CSMD1: variants seen among roughly 807,000 people sequenced by gnomAD.
The protein encoded by CSMD1 is CUB and sushi domain-containing protein 1.
CSMD1 carries 213 observed loss-of-function variants against 417.5 expected under a neutral mutation model. The observed-to-expected ratio is 0.51, with a 90% CI of 0.46 to 0.57. The LOEUF (loss-of-function observed/expected upper bound fraction) is 0.57. CSMD1 is among the 20% of genes least tolerant of loss of function. The pLI is 0.00. For missense variants in CSMD1, 6,923 were observed against 4,529.7 expected, an observed-to-expected ratio of 1.53 and a Z score of -15.17; for synonymous variants, 2,862 against 1,736.8, an observed-to-expected ratio of 1.65 and a Z score of -16.11.
rs189426256 is a variant in CSMD1, at chr8:3,251,932, T to C, written c.4154-21701A>G. On this transcript the variant is annotated intron_variant, in intron 26 of 69. Coordinates refer to ENST00000635120, the MANE Select transcript of CSMD1 (RefSeq NM_033225.6). The stretch of plus-strand genomic sequence containing the variant: ...TTGATTTTGTATCCTGAGACTTTGC[T>C]GAAGTTGCTTATCAGCTTAAGGATA... Among the ~76,000 whole-genome samples the C allele has an allele frequency of 2.8e-3, 422 of 152,368 alleles. 2 individuals are homozygous for C. The highest frequency in any genetic ancestry group is 9.6e-3 in the African/African-American group (401 of 41,580).
chr8:3,840,975 C>A (rs1215502643), intron 5 of CSMD1, among the ~76,000 whole-genome samples: 1 of 151,946 alleles, frequency 6.6e-6, no homozygotes, highest in African/African-American at 2.4e-5. Context: ...CCAAAGTGCT[C>A]AGATTACAGG....
intron 5 of CSMD1, among the ~76,000 whole-genome samples, chr8:3,970,232 C>G (rs1362781324): frequency 6.6e-6 from 1 of 152,168 alleles, no homozygotes; most frequent in African/African-American, 2.4e-5. Flanking sequence ...AGAAGCACCT[C>G]CCAATTTAAT....
chr8:3,479,260 CA>C (rs1817600637), intron 11 of CSMD1, among the ~76,000 whole-genome samples: 1 of 152,038 alleles, frequency 6.6e-6, no homozygotes, highest in South Asian at 2.1e-4. Context: ...AAAGCAATTG[CA>C]GTTTTTGCCA....
intron 3 of CSMD1, among the ~76,000 whole-genome samples, chr8:4,090,916 T>C (rs1328620607): frequency 1.3e-5 from 2 of 152,014 alleles, no homozygotes; most frequent in East Asian, 3.8e-4. Flanking sequence ...GCAGTCTTTT[T>C]TTTTTTTTCT....
intron 12 of CSMD1, among the ~76,000 whole-genome samples, chr8:3,432,723 C>G (rs983427793): frequency 6.6e-6 from 1 of 152,058 alleles, no homozygotes; most frequent in Non-Finnish European, 1.5e-5. Context: ...ACCATGTTGG[C>G]CAGGATGGTC....
intron 5 of CSMD1, among the ~76,000 whole-genome samples, chr8:3,950,448 G>A (rs541638049): frequency 2.6e-5 from 4 of 152,266 alleles, no homozygotes; most frequent in East Asian, 3.9e-4. Flanking sequence ...GATCTCCAAC[G>A]CATGAGTGGT....
At position 4,198,222 on chromosome 8, in the gene CSMD1, G is replaced by A. The variant is rs190057491; in HGVS notation, c.416-166123C>T. 2.9e-3 allele frequency among the ~76,000 whole-genome samples: 447 copies of A among 152,320 alleles called. 3 individuals carry two copies. Among genetic ancestry groups the A allele is most frequent in the African/African-American group, 0.011 (438 of 41,588 alleles). On this transcript the variant is annotated intron_variant, in intron 3 of 69. Transcript: ENST00000635120. The stretch of plus-strand genomic sequence containing the variant: ...TCCAAGGTAGCAAATACAAAGAGGT[G>A]CGGAGCACCACATCCCATTAAGTTA...
chr8:3,349,798 T>A (rs1238540201), intron 21 of CSMD1, among the ~76,000 whole-genome samples: 2 of 94,878 alleles, frequency 2.1e-5, no homozygotes, highest in South Asian at 3.3e-4. Context: ...AATATATCTA[T>A]AAATAGATAT....
intron 3 of CSMD1, among the ~76,000 whole-genome samples, chr8:4,399,101 T>C (rs1804466652): frequency 6.6e-6 from 1 of 152,208 alleles, no homozygotes; most frequent in African/African-American, 2.4e-5. Flanking sequence ...ATGTAAATGC[T>C]TAGAGCTTTA....
intron 1 of CSMD1, among the ~76,000 whole-genome samples, chr8:4,677,090 T>C (rs1231334931): frequency 6.8e-6 from 1 of 147,246 alleles, no homozygotes. Context: ...TAGGGATATA[T>C]ATTATAATAT....
chr8:3,033,170 C>T (rs1439428363), intron 50 of CSMD1, among the ~76,000 whole-genome samples: 1 of 152,022 alleles, frequency 6.6e-6, no homozygotes, highest in African/African-American at 2.4e-5. Context: ...CTTAACTGTA[C>T]CAAACTTCGA....
chr8:4,688,355 T>C (rs1273120344), intron 1 of CSMD1, among the ~76,000 whole-genome samples: 1 of 152,166 alleles, frequency 6.6e-6, no homozygotes, highest in South Asian at 2.1e-4. Flanking sequence ...AAGCTGTAAG[T>C]GCCCAAAATA....
intron 12 of CSMD1, among the ~76,000 whole-genome samples, chr8:3,425,643 C>G (rs1478851745): frequency 3.3e-5 from 5 of 151,600 alleles, no homozygotes; most frequent in Non-Finnish European, 7.4e-5. Flanking sequence ...ATGCCCTGTC[C>G]CAGCAGCAGG....
At chr8:4,253,042 G>C (rs1369605208) in intron 3 of CSMD1, among the ~76,000 whole-genome samples, 1 of 152,176 alleles carries the variant, frequency 6.6e-6, no homozygotes, top group Admixed American at 6.5e-5. Flanking sequence ...TTTTTCATGT[G>C]CCAACGTCTT....
At chr8:2,976,049 C>G (rs1458006821) in intron 55 of CSMD1, among the ~76,000 whole-genome samples, 2 of 152,146 alleles carry the variant, frequency 1.3e-5, no homozygotes, top group Non-Finnish European at 2.9e-5. Flanking sequence ...AGAATGCAGA[C>G]ATAATTTGAA....
At chr8:2,997,166 C>G (rs928504110) in intron 54 of CSMD1, among the ~76,000 whole-genome samples, 1 of 152,246 alleles carries the variant, frequency 6.6e-6, no homozygotes, top group African/African-American at 2.4e-5. Context: ...CTGATCCTGA[C>G]AGTGACTAGT....
intron 2 of CSMD1, among the ~76,000 whole-genome samples, chr8:4,557,721 C>A (rs1331453835): frequency 6.6e-6 from 1 of 152,018 alleles, no homozygotes; most frequent in East Asian, 1.9e-4. Flanking sequence ...TAATAAATTT[C>A]TATACAGCAA....
chr8:3,669,762 C>T (rs570490704), intron 7 of CSMD1, among the ~76,000 whole-genome samples: 2 of 152,218 alleles, frequency 1.3e-5, no homozygotes, highest in South Asian at 4.1e-4. Context: ...AAGCCTGAGG[C>T]TACACACACT....
chr8:4,018,275 G>C (rs1239073430), intron 4 of CSMD1, among the ~76,000 whole-genome samples: 1 of 152,022 alleles, frequency 6.6e-6, no homozygotes, highest in Non-Finnish European at 1.5e-5. Context: ...GTGTTTGAGA[G>C]TCTATCTTTT....
Sources: allele counts gnomAD v4.1 joint callset (sites outside exome capture counted in the v4.1 genomes callset), GRCh38; gene constraint gnomAD v4.1.1; transcripts MANE v1.5; gene names NCBI Gene and HGNC (gene_info 2026-07-23, HGNC 2026-07-21).